Variants in RSPO2 observed in about 807,000 individuals in gnomAD.
RSPO2 encodes the protein R-spondin-2.
Under a neutral mutation model 30.9 loss-of-function variants are expected in RSPO2, and 14 were observed. The ratio of observed to expected loss-of-function variants is 0.45; its 90% CI spans 0.30 to 0.71. RSPO2 has a LOEUF of 0.71. Among genes scored for constraint, RSPO2 ranks in the 30% least tolerant of loss-of-function variants. The pLI, the probability that RSPO2 is intolerant of heterozygous loss-of-function variation, is 0.08. For synonymous variants in RSPO2, 107 were observed against 96.4 expected, an observed-to-expected ratio of 1.11 and a Z score of -0.64; for missense variants, 264 against 301.9, an observed-to-expected ratio of 0.87 and a Z score of 0.93.
At chr8:108,081,159 TAC>T (rs971677156) in intron 2 of RSPO2, among the ~76,000 whole-genome samples, 1 of 151,996 alleles carries the variant, frequency 6.6e-6, no homozygotes, top group East Asian at 1.9e-4. Context: ...AAGCCGCAGA[TAC>T]AGAGACAATT....
intron 2 of RSPO2, among the ~76,000 whole-genome samples, chr8:108,076,195 G>A (rs536534142): frequency 6.6e-6 from 1 of 152,336 alleles, no homozygotes; most frequent in South Asian, 2.1e-4. Flanking sequence ...GAAGTTATCT[G>A]GGATAGCTTA....
At position 107,983,892 on chromosome 8, in the gene RSPO2, C is replaced by A. The variant is rs533125077; in HGVS notation, c.283+5164G>T. ...GAAAGCCAAGGACATTCCTGTCTTC[C>A]GCCCTTGGATTTTCCATCTACAGAA... On this transcript the variant is annotated intron_variant, in intron 3 of 5. Transcript: ENST00000276659. 2.8e-6 allele frequency: 4 copies of A among 1,415,532 alleles called. No homozygotes were observed. In the South Asian group the frequency reaches 3.5e-5, roughly 12 times the overall value. The allele number at this position is 1,415,532 out of a possible 1,614,324, so 87.7% of individuals were successfully genotyped here.
intron 3 of RSPO2, 140 bp downstream of exon 3, chr8:107,988,916 C>A (rs1467300454): frequency 5.2e-6 from 4 of 767,528 alleles, no homozygotes; most frequent in African/African-American, 1.8e-5. Flanking sequence ...GCATGACCCA[C>A]CACACCCAGC....
At chr8:108,032,834 C>T (rs7815320) in intron 2 of RSPO2, among the ~76,000 whole-genome samples, 9,440 of 151,630 alleles carry the variant, frequency 0.062, 449 homozygotes, top group South Asian at 0.14. Flanking sequence ...CCGAGGCAGG[C>T]GGATCACAAG....
intron 2 of RSPO2, among the ~76,000 whole-genome samples, chr8:108,012,836 AT>A (rs1810752556): frequency 6.6e-6 from 1 of 152,208 alleles, no homozygotes; most frequent in Admixed American, 6.5e-5. Context: ...ATTAGAAAAT[AT>A]AAAAGTTAAG....
intron 3 of RSPO2, among the ~76,000 whole-genome samples, chr8:107,985,172 G>T (rs1451336969): frequency 6.6e-6 from 1 of 152,094 alleles, no homozygotes; most frequent in Non-Finnish European, 1.5e-5. Flanking sequence ...GTTATTAATA[G>T]CCAGAGAGAT....
intron 2 of RSPO2, among the ~76,000 whole-genome samples, chr8:108,036,476 C>A (rs1454766881): frequency 6.6e-6 from 1 of 152,192 alleles, no homozygotes; most frequent in Admixed American, 6.5e-5. Context: ...AACTGTCATT[C>A]AGGCAAGGAA....
chr8:107,913,893 T>A (rs1811899147), intron 5 of RSPO2, among the ~76,000 whole-genome samples: 2 of 152,198 alleles, frequency 1.3e-5, no homozygotes, highest in Non-Finnish European at 2.9e-5. Context: ...GTATCTGTAA[T>A]AAGTTTTCCA....
intron 5 of RSPO2, among the ~76,000 whole-genome samples, chr8:107,921,262 T>G (rs1206493931): frequency 7.1e-6 from 1 of 141,388 alleles, no homozygotes; most frequent in Non-Finnish European, 1.5e-5. Flanking sequence ...GAAAATCGTT[T>G]TGATTAGCAG....
intron 2 of RSPO2, among the ~76,000 whole-genome samples, chr8:108,027,969 G>A (rs1475227709): frequency 1.3e-5 from 2 of 152,110 alleles, no homozygotes; most frequent in South Asian, 2.1e-4. Flanking sequence ...ACCATATCAA[G>A]AAGTTCAGGG....
intron 4 of RSPO2, 66 bp downstream of exon 4, chr8:107,960,608 A>C (rs1004263966): frequency 2.1e-6 from 3 of 1,440,384 alleles, no homozygotes; most frequent in East Asian, 2.3e-5. Flanking sequence ...TCCAGCATGC[A>C]TATTTTTAAG....
At chr8:108,075,744 A>C (rs2130732721) in intron 2 of RSPO2, among the ~76,000 whole-genome samples, 1 of 152,132 alleles carries the variant, frequency 6.6e-6, no homozygotes, top group Non-Finnish European at 1.5e-5. Context: ...CATAATATTT[A>C]ATCATTCAAA....
At chr8:107,927,382 C>A (rs1812414758) in intron 5 of RSPO2, among the ~76,000 whole-genome samples, 1 of 152,222 alleles carries the variant, frequency 6.6e-6, no homozygotes, top group East Asian at 1.9e-4. Flanking sequence ...ATTGAATACC[C>A]TTTATTTCTT....
rs1195642001 is a variant in RSPO2, at chr8:107,960,803, T to G, written c.298A>C (p.Asn100His). ...TCTTTGCTAAAGCAAGAATCACAGT[T>G]TTCTATTCTGCATCCTAAAAACAAT... ...MNRCARCRIE[N>H]CDSCFSKDFC... The change falls in exon 4 of 6, where the codon AAC becomes CAC. Residue 100 changes from asparagine to histidine, a missense_variant. Asn to His is a moderately conservative substitution (Grantham distance 68). Coordinates refer to ENST00000276659, the MANE Select transcript of RSPO2 (RefSeq NM_178565.5). 1 of 1,594,622 alleles carries G rather than the reference T, an allele frequency of 6.3e-7. No individual in the cohort carries two copies. The highest frequency in any genetic ancestry group is 8.5e-7 in the Non-Finnish European group (1 of 1,174,092).
chr8:108,024,766 T>C (rs1811155430), intron 2 of RSPO2, among the ~76,000 whole-genome samples: 1 of 152,200 alleles, frequency 6.6e-6, no homozygotes, highest in Non-Finnish European at 1.5e-5. Flanking sequence ...ACGCCTGTAA[T>C]CCCAGCACTT....
At chr8:107,951,824 TC>T (rs1813257953) in intron 5 of RSPO2, among the ~76,000 whole-genome samples, 1 of 152,154 alleles carries the variant, frequency 6.6e-6, no homozygotes, top group Non-Finnish European at 1.5e-5. Flanking sequence ...CCCCTCATCC[TC>T]CACGTTCTGA....
chr8:108,046,727 G>A (rs369806252), intron 2 of RSPO2, among the ~76,000 whole-genome samples: 2 of 152,040 alleles, frequency 1.3e-5, no homozygotes, highest in African/African-American at 2.4e-5. Flanking sequence ...TCATATCAGG[G>A]TATGCAATTT....
chr8:108,036,060 T>C (rs1563573528), intron 2 of RSPO2, among the ~76,000 whole-genome samples: 1 of 152,342 alleles, frequency 6.6e-6, no homozygotes, highest in East Asian at 1.9e-4. Context: ...ATCCAAAGTA[T>C]TTTTTTGAAA....
intron 5 of RSPO2, among the ~76,000 whole-genome samples, chr8:107,947,375 T>C (rs974073295): frequency 6.6e-6 from 1 of 152,156 alleles, no homozygotes; most frequent in Admixed American, 6.6e-5. Context: ...AAGTAGTAGT[T>C]AGAAACAAAT....
Sources: allele counts gnomAD v4.1 joint callset (sites outside exome capture counted in the v4.1 genomes callset), GRCh38; gene constraint gnomAD v4.1.1; transcripts MANE v1.5; gene names NCBI Gene and HGNC (gene_info 2026-07-23, HGNC 2026-07-21).